Variants in ZSCAN5B observed in about 807,000 individuals in gnomAD.
The protein encoded by ZSCAN5B is zinc finger and SCAN domain-containing protein 5B.
Under a neutral mutation model 25.2 loss-of-function variants are expected in ZSCAN5B, and 26 were observed. That is an observed-to-expected ratio of 1.03 (90% CI 0.76 to 1.43). The LOEUF (loss-of-function observed/expected upper bound fraction) is 1.43. Ranked by LOEUF, ZSCAN5B falls within the 40% of genes most tolerant of loss-of-function variation. ZSCAN5B has a pLI of 0.00. For missense variants in ZSCAN5B, 745 were observed against 622.1 expected (o/e 1.20, Z -2.10); for synonymous variants, 244 against 240.9 (o/e 1.01, Z -0.12).
chr19:56,194,449 C>T (rs1365451307), intron 1 of ZSCAN5B, among the ~76,000 whole-genome samples: 1 of 151,978 alleles, frequency 6.6e-6, no homozygotes, highest in Non-Finnish European at 1.5e-5. Flanking sequence ...TCACCACGCC[C>T]GGCTAATTTT....
intron 2 of ZSCAN5B, 101 bp from the exon 3 acceptor site, chr19:56,192,154 G>A (rs2032745944): frequency 4.5e-6 from 5 of 1,117,774 alleles, no homozygotes; most frequent in Admixed American, 2.2e-5. Flanking sequence ...TGTAATTAAT[G>A]TTCAAATCTA....
intron 3 of ZSCAN5B, among the ~76,000 whole-genome samples, chr19:56,191,357 G>A (rs556551395): frequency 1.2e-4 from 18 of 152,144 alleles, no homozygotes; most frequent in African/African-American, 3.4e-4. Flanking sequence ...CAGAGACCCC[G>A]CCTCCACCCT....
exon 2 of ZSCAN5B, chr19:56,192,918 C>G: frequency 6.2e-7 from 1 of 1,614,130 alleles, no homozygotes; most frequent in South Asian, 1.1e-5. Context: ...TCCTGAAATT[C>G]ATGTGCCAAG....
chr19:56,193,956 CA>C (rs34181873), intron 1 of ZSCAN5B, among the ~76,000 whole-genome samples: 33,694 of 123,482 alleles, frequency 0.27, 3,931 homozygotes, highest in Non-Finnish European at 0.31. Context: ...GACTCCATCT[CA>C]AAAAAAAAAA....
At chr19:56,190,775 C>A (rs917885422) in intron 4 of ZSCAN5B, 62 bp downstream of exon 4, 2 of 1,568,046 alleles carry the variant, frequency 1.3e-6, no homozygotes, top group Admixed American at 2.0e-5. Flanking sequence ...AATGCTGGGC[C>A]CCCAGCCCCG....
intron 1 of ZSCAN5B, among the ~76,000 whole-genome samples, chr19:56,193,865 G>T (rs2032772960): frequency 6.6e-6 from 1 of 151,810 alleles, no homozygotes; most frequent in South Asian, 2.1e-4. Flanking sequence ...GGGAGGCTGA[G>T]GCAGGAGAAT....
exon 2 of ZSCAN5B, chr19:56,192,825 G>A (rs1216041810): frequency 6.8e-6 from 11 of 1,612,790 alleles, no homozygotes; most frequent in Non-Finnish European, 9.3e-6. Flanking sequence ...TGGTGTGGAG[G>A]TCGGGCCTCA....
rs201080393 is a variant in ZSCAN5B, at chr19:56,190,317, T to A, written c.998A>T (p.His333Leu). ...GACCGGGCCCGCAGGGCCTGGGGAATGAACTGGATTGATCTCAGCTTGTCC... is the reference window on the plus strand; with the variant it reads ...GACCGGGCCCGCAGGGCCTGGGGAAAGAACTGGATTGATCTCAGCTTGTCC... The change falls in exon 5 of 5, where the codon CAT (histidine) becomes CTT (leucine). Residue 333 changes from histidine (H) to leucine (L), a missense_variant. Transcript: ENST00000586855. The A allele has an allele frequency of 1.7e-4, 268 of 1,614,050 alleles. No homozygotes were observed. Among genetic ancestry groups the A allele is most frequent in the Middle Eastern group, 1.6e-4 (1 of 6,084 alleles).
At position 56,192,057 on chromosome 19, in the gene ZSCAN5B, T is replaced by C. The variant is rs771687557; in HGVS notation, c.385-4A>G. 1.4e-5 allele frequency: 22 copies of C among 1,607,970 alleles called. No homozygotes were observed. In the East Asian group the frequency reaches 1.8e-4, roughly 13 times the overall value. On this transcript the variant is annotated splice_polypyrimidine_tract_variant and splice_region_variant and intron_variant, in intron 2 of 4. Transcript: ENST00000586855. ...TGCCGAGCAAGTTGACTATAGACTG[T>C]AGAGAGAAAAAAGACAATCAGACAC...
chr19:56,197,805 C>A lies in ZSCAN5B; in HGVS notation c.-199G>T, dbSNP rs559978573. The stretch of plus-strand genomic sequence containing the variant: ...CTCCAACCGGCCTGGAGCTGAACTG[C>A]GTCTATTTATGGAGAAGCGGGACTC... On this transcript the variant is annotated 5_prime_UTR_variant, in exon 1 of 5. Coordinates refer to ENST00000586855, the Ensembl canonical transcript of ZSCAN5B. 142 of 985,350 alleles carry A rather than the reference C, an allele frequency of 1.4e-4. No homozygotes were observed. The South Asian group carries it at 6.0e-3, about 42-fold the overall frequency. The allele number at this position is 985,350 out of a possible 1,614,324, so 61.0% of individuals were successfully genotyped here.
Position 56,191,019 on chromosome 19 carries a change from C to T in ZSCAN5B, c.589-32G>A, listed in dbSNP as rs766356799. 90 of 1,613,600 alleles carry T rather than the reference C, an allele frequency of 5.6e-5. No individual in the cohort carries two copies. The Middle Eastern group carries it at 8.2e-4, about 15-fold the overall frequency. On this transcript the variant is annotated intron_variant, in intron 3 of 4. Transcript: ENST00000586855. Reference sequence around the variant, plus strand: ...AGGAAAAACCAAGAGCAATGACTGCCGTGTCTATACTGGTGGAAGTAGGGA... The same window carrying T: ...AGGAAAAACCAAGAGCAATGACTGCTGTGTCTATACTGGTGGAAGTAGGGA...
At chr19:56,192,633 C>G (rs757401911) in intron 2 of ZSCAN5B, 36 bp downstream of exon 2, 1 of 1,564,426 alleles carries the variant, frequency 6.4e-7, no homozygotes, top group African/African-American at 1.4e-5. Flanking sequence ...CATCCCAGCT[C>G]CCCTTCCCTG....
intron 3 of ZSCAN5B, 125 bp downstream of exon 3, chr19:56,191,725 C>T: frequency 2.5e-6 from 2 of 805,894 alleles, no homozygotes; most frequent in Admixed American, 6.1e-5. Context: ...GGGGATGTAT[C>T]ATGTCCATGG....
exon 2 of ZSCAN5B, chr19:56,193,138 C>A: frequency 1.4e-6 from 2 of 1,381,694 alleles, no homozygotes; most frequent in Non-Finnish European, 1.9e-6. Context: ...ACAGGCTGCC[C>A]CTGTTTCTTC....
chr19:56,191,663 G>A (rs890461900), intron 3 of ZSCAN5B, among the ~76,000 whole-genome samples, 187 bp downstream of exon 3: 2 of 147,340 alleles, frequency 1.4e-5, no homozygotes, highest in Admixed American at 1.4e-4. Flanking sequence ...TCATGGTGGA[G>A]AGAAAAGTAG....
chr19:56,190,506 G>C, exon 5 of ZSCAN5B: 2 of 1,613,922 alleles, frequency 1.2e-6, no homozygotes, highest in Non-Finnish European at 1.7e-6. Context: ...GGCAGAAGGT[G>C]TGTCAGCATC....
chr19:56,190,160 A>C (rs774749340), exon 5 of ZSCAN5B: 3 of 1,614,046 alleles, frequency 1.9e-6, no homozygotes, highest in Non-Finnish European at 2.5e-6. Flanking sequence ...GACAGAGATC[A>C]CATTGAAAGG....
chr19:56,197,718 G>A lies in ZSCAN5B; in HGVS notation c.-128+16C>T. 1.0e-6 allele frequency: 1 copy of A among 984,294 alleles called. No individual in the cohort carries two copies. The highest frequency in any genetic ancestry group is 1.2e-6 in the Non-Finnish European group (1 of 829,104). 61.0% of individuals were successfully genotyped at this position (984,294 alleles called of 1,614,324 possible). Reference sequence around the variant, plus strand: ...CCAGCTCCGAAACCCCACAGCCATCGCCGCTGGACACTCACCTCCTTCCCG... The same window carrying A: ...CCAGCTCCGAAACCCCACAGCCATCACCGCTGGACACTCACCTCCTTCCCG... On this transcript the variant is annotated intron_variant, in intron 1 of 4. Coordinates refer to ENST00000586855, the Ensembl canonical transcript of ZSCAN5B.
chr19:56,191,345 A>G (rs539422175), intron 3 of ZSCAN5B, among the ~76,000 whole-genome samples: 1 of 152,240 alleles, frequency 6.6e-6, no homozygotes, highest in East Asian at 1.9e-4. Flanking sequence ...TCCTGTGCAG[A>G]GCAGAGACCC....
Sources: allele counts gnomAD v4.1 joint callset (sites outside exome capture counted in the v4.1 genomes callset), GRCh38; gene constraint gnomAD v4.1.1; transcripts MANE v1.5; gene names NCBI Gene and HGNC (gene_info 2026-07-23, HGNC 2026-07-21).